The following MANBA variants were observed in gnomAD, a reference collection of about 807,000 sequenced individuals.
MANBA encodes the protein beta-mannosidase.
Under a neutral mutation model 111.1 loss-of-function variants are expected in MANBA, and 83 were observed. That is an observed-to-expected ratio of 0.75 (90% CI 0.63 to 0.90). The LOEUF (loss-of-function observed/expected upper bound fraction) is 0.90, where lower values mean the gene tolerates loss of function less well. MANBA is among the 40% of genes least tolerant of loss of function. MANBA has a pLI of 0.00. For missense variants in MANBA, 1,036 were observed against 1,069.0 expected (o/e 0.97, Z 0.43); for synonymous variants, 370 against 378.7 (o/e 0.98, Z 0.27).
chr4:102,702,192 C>T (rs1054040421), intron 5 of MANBA, among the ~76,000 whole-genome samples: 1 of 151,726 alleles, frequency 6.6e-6, no homozygotes, highest in African/African-American at 2.4e-5. Context: ...AGTTCTCGAG[C>T]CTTGGTTTTC....
intron 5 of MANBA, among the ~76,000 whole-genome samples, chr4:102,697,499 C>T (rs988973912): frequency 2.8e-5 from 3 of 107,628 alleles, no homozygotes; most frequent in African/African-American, 1.1e-4. Context: ...CAATGCTATC[C>T]CTCCCCCCTC....
intron 7 of MANBA, among the ~76,000 whole-genome samples, chr4:102,680,056 A>G (rs1158679152): frequency 6.6e-6 from 1 of 152,196 alleles, no homozygotes; most frequent in Non-Finnish European, 1.5e-5. Flanking sequence ...AGGGACAACA[A>G]TTGGGGCGTT....
Position 102,675,574 on chromosome 4 carries a change from A to G in MANBA, c.961-1504T>C, listed in dbSNP as rs1187349387. ...TCCCTTGCAACCTACACAGGAGCAC[A>G]AAAGGAGTAGGTACTACTTATTCCT... On this transcript the variant is annotated intron_variant, in intron 7 of 16. Coordinates refer to ENST00000647097, the MANE Select transcript of MANBA (RefSeq NM_005908.4). Among the ~76,000 whole-genome samples, 3 of 152,224 alleles carry G rather than the reference A, an allele frequency of 2.0e-5. No individual in the cohort carries two copies. In the East Asian group the frequency reaches 5.8e-4, roughly 29 times the overall value.
chr4:102,654,485 C>G (rs559108928), intron 12 of MANBA, among the ~76,000 whole-genome samples: 1 of 152,158 alleles, frequency 6.6e-6, no homozygotes, highest in South Asian at 2.1e-4. Flanking sequence ...TGTGTATAAG[C>G]AAATTATAGT....
chr4:102,760,415 T>C (rs1578968287), intron 1 of MANBA, among the ~76,000 whole-genome samples: 1 of 152,200 alleles, frequency 6.6e-6, no homozygotes, highest in African/African-American at 2.4e-5. Flanking sequence ...GCCCTTTGTA[T>C]ACACGCTTCA....
chr4:102,657,237 C>CA (rs1730604435), intron 12 of MANBA, among the ~76,000 whole-genome samples: 1 of 22,802 alleles, frequency 4.4e-5, no homozygotes, highest in Non-Finnish European at 9.4e-5. Flanking sequence ...GGGGGGTGGG[C>CA]GGTGGTAATG....
chr4:102,723,145 C>T (rs915551851), intron 3 of MANBA, 104 bp from the exon 4 acceptor site: 57 of 1,032,748 alleles, frequency 5.5e-5, no homozygotes, highest in Non-Finnish European at 7.9e-5. Context: ...AATATAATGC[C>T]GATCTAGGTT....
chr4:102,647,609 A>C (rs1730158801), intron 13 of MANBA, among the ~76,000 whole-genome samples: 1 of 151,998 alleles, frequency 6.6e-6, no homozygotes, highest in African/African-American at 2.4e-5. Flanking sequence ...ATGTCAGAAC[A>C]CTTTAACAGA....
At chr4:102,653,890 T>G (rs1450268880) in intron 12 of MANBA, among the ~76,000 whole-genome samples, 2 of 152,130 alleles carry the variant, frequency 1.3e-5, no homozygotes, top group Non-Finnish European at 2.9e-5. Flanking sequence ...AGAGTAAGTC[T>G]GAACCCAGCT....
chr4:102,728,837 C>A (rs192702112), intron 1 of MANBA: 12 of 903,054 alleles, frequency 1.3e-5, no homozygotes, highest in Non-Finnish European at 1.9e-5. Context: ...GGTGCTGGTG[C>A]GGCTGAAGGA....
chr4:102,718,489 A>G (rs1005122109), intron 4 of MANBA, among the ~76,000 whole-genome samples: 1 of 152,234 alleles, frequency 6.6e-6, no homozygotes, highest in Admixed American at 6.5e-5. Flanking sequence ...GAGAACAAGG[A>G]TGTGGATAAA....
chr4:102,700,064 A>G (rs1181948348), intron 5 of MANBA, among the ~76,000 whole-genome samples: 1 of 149,344 alleles, frequency 6.7e-6, no homozygotes, highest in African/African-American at 2.5e-5. Flanking sequence ...CAGAGATTCA[A>G]CTTCTTCCTG....
At chr4:102,640,592 T>C (rs1254305905) in intron 13 of MANBA, among the ~76,000 whole-genome samples, 1 of 152,114 alleles carries the variant, frequency 6.6e-6, no homozygotes, top group Non-Finnish European at 1.5e-5. Context: ...AGCCTGGAGT[T>C]GTGCTGAGGA....
In MANBA at chr4:102,664,676, A is replaced by T. The variant is rs199592616; in HGVS notation, c.1485+9T>A. On this transcript the variant is annotated intron_variant, in intron 11 of 16. Transcript: ENST00000647097. Reference sequence around the variant, plus strand: ...CTTAAATTCTACTGCATTAAAAATCATTACTTACTGCCAGTACGAGCTCTC... The same window carrying T: ...CTTAAATTCTACTGCATTAAAAATCTTTACTTACTGCCAGTACGAGCTCTC... The T allele has an allele frequency of 1.3e-4, 201 of 1,605,470 alleles. No homozygotes were observed. Among genetic ancestry groups the T allele is most frequent in the Non-Finnish European group, 1.6e-4 (190 of 1,172,178 alleles).
chr4:102,719,654 T>C (rs1269443802), intron 4 of MANBA, among the ~76,000 whole-genome samples: 1 of 152,240 alleles, frequency 6.6e-6, no homozygotes, highest in Non-Finnish European at 1.5e-5. Context: ...ACTTTTTGAA[T>C]GGTTGTATAG....
intron 1 of MANBA, among the ~76,000 whole-genome samples, chr4:102,737,718 G>A (rs182190131): frequency 1.9e-4 from 29 of 152,178 alleles, no homozygotes; most frequent in Non-Finnish European, 3.8e-4. Flanking sequence ...TCCTGACCTC[G>A]TGATCCGCCC....
At position 102,674,180 on chromosome 4, in the gene MANBA, AT is replaced by A. The variant is rs1731621266; in HGVS notation, c.961-111del. The A allele has an allele frequency of 2.6e-5, 20 of 770,622 alleles. No individual in the cohort carries two copies. The South Asian group carries it at 3.3e-4, about 13-fold the overall frequency. The allele number at this position is 770,622 out of a possible 1,614,324, so 47.7% of individuals were successfully genotyped here. A position where few individuals can be genotyped will look rare whatever the true frequency, so the allele number is the denominator to read the frequency against. ...AACTACATTCAGTAGTTTAATGCTAATTTTCCTATTTACTATGAAGCACATA... is the reference window on the plus strand; with the variant it reads ...AACTACATTCAGTAGTTTAATGCTAATTTCCTATTTACTATGAAGCACATA... On this transcript the variant is annotated intron_variant, in intron 7 of 16. Coordinates refer to ENST00000647097, the MANE Select transcript of MANBA (RefSeq NM_005908.4).
intron 11 of MANBA, chr4:102,663,128 A>G (rs1174874832): frequency 6.6e-6 from 1 of 152,160 alleles, no homozygotes; most frequent in Non-Finnish European, 1.5e-5. Flanking sequence ...ATTTCTTTTC[A>G]TTAAGCAGAA....
chr4:102,752,382 G>A (rs1379448085), intron 1 of MANBA: 5 of 1,219,524 alleles, frequency 4.1e-6, no homozygotes, highest in Non-Finnish European at 4.9e-6. Context: ...ATTCTTTGGT[G>A]TCACTGTCCC....
Sources: allele counts gnomAD v4.1 joint callset (sites outside exome capture counted in the v4.1 genomes callset), GRCh38; gene constraint gnomAD v4.1.1; transcripts MANE v1.5; gene names NCBI Gene and HGNC (gene_info 2026-07-23, HGNC 2026-07-21).